The following PRUNE2 variants were observed in gnomAD, a reference collection of about 807,000 sequenced individuals.
PRUNE2 encodes the protein prune homolog 2 with BCH domain.
A neutral mutation model predicts 252.0 loss-of-function variants in PRUNE2; 164 were observed. The observed-to-expected ratio is 0.65, with a 90% CI of 0.57 to 0.74. The LOEUF is 0.74. Ranked by LOEUF, PRUNE2 falls within the 30% of genes least tolerant of loss-of-function variation. The pLI, the probability that PRUNE2 is intolerant of heterozygous loss-of-function variation, is 0.00. For missense variants in PRUNE2, 3,495 were observed against 3,711.0 expected (o/e 0.94, Z 1.51); for synonymous variants, 1,292 against 1,350.2 (o/e 0.96, Z 0.94).
At chr9:76,762,392 T>A (rs1391325933) in intron 6 of PRUNE2, among the ~76,000 whole-genome samples, 1 of 152,242 alleles carries the variant, frequency 6.6e-6, no homozygotes, top group East Asian at 1.9e-4. Flanking sequence ...GTTGCAGAAA[T>A]GTGCGCAGAG....
At chr9:76,721,399 G>GATGAATT (rs2047635240) in intron 6 of PRUNE2, among the ~76,000 whole-genome samples, 1 of 152,150 alleles carries the variant, frequency 6.6e-6, no homozygotes, top group Non-Finnish European at 1.5e-5. Flanking sequence ...ACCTATTATA[G>GATGAATT]TGTTGTCTTC....
intron 15 of PRUNE2, among the ~76,000 whole-genome samples, chr9:76,632,887 A>G (rs1838316060): frequency 6.6e-6 from 1 of 152,182 alleles, no homozygotes; most frequent in Non-Finnish European, 1.5e-5. Context: ...GATGATTTCT[A>G]TGTTTTTTAA....
rs754280317 is a variant in PRUNE2 at position 76,709,011 on chromosome 9, T to C, written c.3263A>G (p.Tyr1088Cys). ...TGTGAGTTGTCGGTTTGTTTCATTG[T>C]ACAGTTGCATCATGCTGGGGTCGTC... ...SYDDPSMMQL[Y>C]NETNRQLTLL... Residue 1088 changes from tyrosine to cysteine, a missense_variant, in exon 8 of 19, where the codon TAC becomes TGC. Coordinates refer to ENST00000376718, the MANE Select transcript of PRUNE2 (RefSeq NM_015225.3). The C allele has an allele frequency of 6.2e-6, 10 of 1,614,028 alleles. No individual in the cohort carries two copies. The highest frequency in any genetic ancestry group is 4.4e-5 in the South Asian group (4 of 91,088).
intron 6 of PRUNE2, among the ~76,000 whole-genome samples, chr9:76,720,910 G>A (rs1422362905): frequency 2.0e-5 from 3 of 152,106 alleles, no homozygotes; most frequent in Non-Finnish European, 2.9e-5. Context: ...TCAGGAGATC[G>A]AGACCACGGT....
At position 76,710,521 on chromosome 9, in the gene PRUNE2, A is replaced by C; in HGVS notation, c.1753T>G (p.Leu585Val). 6.2e-7 allele frequency: 1 copy of C among 1,613,954 alleles called. No homozygotes were observed. Among genetic ancestry groups the C allele is most frequent in the Non-Finnish European group, 8.5e-7 (1 of 1,179,886 alleles). ...TCTCCCACAAAATCTGTCAGGCTCA[A>C]ATTTCTTTCAGAGTTATCTCTGGGA... is the stretch of plus-strand genomic sequence containing the variant. ...DSPRDNSERN[L>V]SLTDFVGDES... Residue 585 changes from leucine to valine, a missense_variant, in exon 8 of 19, where the codon TTG becomes GTG. Leu to Val is a conservative substitution (Grantham distance 32). Transcript: ENST00000376718.
rs571119342 is a variant in PRUNE2, at chr9:76,612,467, A to C, written c.*2103T>G. On this transcript the variant is annotated 3_prime_UTR_variant, in exon 19 of 19. Transcript: ENST00000376718. ...AATTCATTTTACAAAATGGGATGCT[A>C]CTGAGTGAAAGTAGCAAATAGGTGA... 1.3e-5 allele frequency: 2 copies of C among 152,268 alleles called. No individual in the cohort carries two copies. The highest frequency in any genetic ancestry group is 4.2e-4 in the South Asian group (2 of 4,816). 9.4% of individuals were successfully genotyped at this position (152,268 alleles called of 1,614,324 possible). A position where few individuals can be genotyped will look rare whatever the true frequency, so the allele number is the denominator to read the frequency against.
At chr9:76,755,414 T>A (rs1406856913) in intron 6 of PRUNE2, among the ~76,000 whole-genome samples, 1 of 151,694 alleles carries the variant, frequency 6.6e-6, no homozygotes, top group Non-Finnish European at 1.5e-5. Context: ...GGTGGTTAAG[T>A]GAACACCATG....
intron 14 of PRUNE2, among the ~76,000 whole-genome samples, chr9:76,637,007 G>GTGTGTGTA (rs1475722008): frequency 6.7e-6 from 1 of 149,962 alleles, no homozygotes; most frequent in Admixed American, 6.6e-5. Flanking sequence ...GTGTGTGTGT[G>GTGTGTGTA]TGTATAATTT....
intron 6 of PRUNE2, among the ~76,000 whole-genome samples, chr9:76,722,298 G>A (rs1025911280): frequency 6.8e-6 from 1 of 147,930 alleles, no homozygotes; most frequent in Non-Finnish European, 1.5e-5. Flanking sequence ...TTGAACTCCT[G>A]ACCTCAAGTG....
intron 12 of PRUNE2, among the ~76,000 whole-genome samples, chr9:76,642,655 C>G (rs928518675): frequency 1.3e-5 from 2 of 152,156 alleles, no homozygotes; most frequent in African/African-American, 4.8e-5. Flanking sequence ...TTATCAGAAG[C>G]CGAAGGACAA....
intron 11 of PRUNE2, among the ~76,000 whole-genome samples, chr9:76,651,582 C>T (rs1327551542): frequency 6.6e-6 from 1 of 152,122 alleles, no homozygotes; most frequent in Non-Finnish European, 1.5e-5. Flanking sequence ...CTGGCTAGAA[C>T]TGAAACAGAA....
At position 76,708,690 on chromosome 9, in the gene PRUNE2, T is replaced by C. The variant is rs765392647; in HGVS notation, c.3584A>G (p.His1195Arg). 6.8e-6 allele frequency: 11 copies of C among 1,614,032 alleles called. No homozygotes were observed. The highest frequency in any genetic ancestry group is 9.3e-6 in the Non-Finnish European group (11 of 1,179,902). The change falls in exon 8 of 19, where the codon CAT becomes CGT. Residue 1195 changes from histidine to arginine, a missense_variant. Physicochemically the swap from His to Arg is conservative, Grantham distance 29. Coordinates refer to ENST00000376718, the MANE Select transcript of PRUNE2 (RefSeq NM_015225.3). The part of the protein sequence containing the change: ...VDWELPASDE[H>R]TKDSAPSEHH... ...TTCACTGGGAGCACTGTCCTTGGTA[T>C]GCTCATCAGAGGCAGGGAGCTCCCA... is the stretch of plus-strand genomic sequence containing the variant.
chr9:76,632,051 G>A, intron 15 of PRUNE2, among the ~76,000 whole-genome samples: 1 of 152,174 alleles, frequency 6.6e-6, no homozygotes. Flanking sequence ...CACTGTTAAT[G>A]GGCATCTAGG....
At chr9:76,895,932 T>A (rs2062795220) in intron 1 of PRUNE2, among the ~76,000 whole-genome samples, 2 of 152,070 alleles carry the variant, frequency 1.3e-5, no homozygotes, top group Admixed American at 6.6e-5. Flanking sequence ...TACAGGTGTG[T>A]GCCACCACTA....
At chr9:76,789,887 C>T (rs1449499542) in intron 6 of PRUNE2, among the ~76,000 whole-genome samples, 1 of 152,106 alleles carries the variant, frequency 6.6e-6, no homozygotes, top group Non-Finnish European at 1.5e-5. Context: ...GGGGATTCTT[C>T]TTAGAGGAGC....
intron 6 of PRUNE2, among the ~76,000 whole-genome samples, chr9:76,746,307 C>T (rs562661875): frequency 6.6e-6 from 1 of 152,270 alleles, no homozygotes; most frequent in Non-Finnish European, 1.5e-5. Flanking sequence ...GACTTTCAGC[C>T]TCACCCCCCA....
intron 16 of PRUNE2, among the ~76,000 whole-genome samples, chr9:76,626,977 C>A (rs1034177400): frequency 6.6e-6 from 1 of 152,180 alleles, no homozygotes; most frequent in African/African-American, 2.4e-5. Context: ...TCTATTGCCT[C>A]TGTCACACCA....
intron 11 of PRUNE2, among the ~76,000 whole-genome samples, chr9:76,647,755 G>A (rs1307947827): frequency 1.3e-5 from 2 of 152,108 alleles, no homozygotes; most frequent in Non-Finnish European, 2.9e-5. Context: ...ACGAGGTCAG[G>A]AGATCAAGAC....
At position 76,706,920 on chromosome 9, in the gene PRUNE2, T is replaced by G. The variant is rs747478296; in HGVS notation, c.5354A>C (p.Glu1785Ala). 11 of 1,606,014 alleles carry G rather than the reference T, an allele frequency of 6.8e-6. No individual in the cohort carries two copies. The East Asian group carries it at 2.5e-4, about 36-fold the overall frequency. ...TEMQITAVEK[E>A]KRSSPETGTT... The stretch of plus-strand genomic sequence containing the variant: ...CCCTGTTTCTGGAGAAGATCTCTTC[T>G]CCTTCTCCACTGCTGTAATCTGCAT... The change falls in exon 8 of 19, where the codon GAG becomes GCG. Residue 1785 changes from glutamate (E) to alanine (A), a missense_variant. By Grantham distance (107) the Glu-to-Ala change is moderately radical (BLOSUM62 -1). Transcript: ENST00000376718.
Sources: allele counts gnomAD v4.1 joint callset (sites outside exome capture counted in the v4.1 genomes callset), GRCh38; gene constraint gnomAD v4.1.1; transcripts MANE v1.5; gene names NCBI Gene and HGNC (gene_info 2026-07-23, HGNC 2026-07-21).